SH2D4B: variants seen among roughly 807,000 people sequenced by gnomAD.
The protein encoded by SH2D4B is SH2 domain containing 4B.
In SH2D4B, 45 loss-of-function variants were observed where a neutral mutation model predicts 61.5. That is an observed-to-expected ratio of 0.73 (90% confidence interval 0.58 to 0.94). SH2D4B has a LOEUF of 0.94. SH2D4B is among the 40% of genes least tolerant of loss of function. SH2D4B has a pLI of 0.00. For synonymous variants in SH2D4B, 224 were observed against 220.4 expected (o/e 1.02, Z -0.14); for missense variants, 572 against 574.2 (o/e 1.00, Z 0.04).
chr10:80,580,205 C>A (rs1045745241), intron 3 of SH2D4B, among the ~76,000 whole-genome samples: 8 of 152,334 alleles, frequency 5.3e-5, no homozygotes, highest in Admixed American at 5.2e-4. Flanking sequence ...TTGCAGCCTG[C>A]AGGTGGCTAT....
At chr10:80,553,125 C>T (rs2132107731) in intron 1 of SH2D4B, among the ~76,000 whole-genome samples, 1 of 152,282 alleles carries the variant, frequency 6.6e-6, no homozygotes, top group African/African-American at 2.4e-5. Context: ...ACCATGTTGG[C>T]CAGGCAGGTC....
chr10:80,627,823 G>A (rs1289739763), intron 6 of SH2D4B, among the ~76,000 whole-genome samples: 1 of 151,894 alleles, frequency 6.6e-6, no homozygotes, highest in Non-Finnish European at 1.5e-5. Flanking sequence ...GAAGCGGGGA[G>A]AGAAAATGTT....
Position 80,625,427 on chromosome 10 carries a change from C to A in SH2D4B, c.989-8858C>A, listed in dbSNP as rs897730437. Among the ~76,000 whole-genome samples, 3 of 152,312 alleles carry A rather than the reference C, an allele frequency of 2.0e-5. No homozygotes were observed. In the South Asian group the frequency reaches 6.2e-4, roughly 32 times the overall value. On this transcript the variant is annotated intron_variant, in intron 6 of 7. Coordinates refer to ENST00000646907, the MANE Select transcript of SH2D4B (RefSeq NM_001388272.1). ...CATAAAACATATGCATATCCTTCTA[C>A]ACTTTAAATTATTTCTAGATGACTT...
At chr10:80,577,980 T>C (rs1046424838) in intron 3 of SH2D4B, among the ~76,000 whole-genome samples, 4 of 151,932 alleles carry the variant, frequency 2.6e-5, no homozygotes, top group African/African-American at 7.3e-5. Context: ...TTCTTTCTTT[T>C]TTTTTTTCGA....
At chr10:80,599,743 C>T (rs767852023) in intron 4 of SH2D4B, among the ~76,000 whole-genome samples, 4 of 152,190 alleles carry the variant, frequency 2.6e-5, no homozygotes, top group Non-Finnish European at 4.4e-5. Flanking sequence ...TTGCTTACCT[C>T]GTCTTGAGTG....
At chr10:80,614,861 C>T (rs191392772) in intron 6 of SH2D4B, among the ~76,000 whole-genome samples, 33 of 152,344 alleles carry the variant, frequency 2.2e-4, no homozygotes, top group Admixed American at 1.2e-3. Context: ...ATGTTCTCCA[C>T]CCTGTGACTG....
intron 6 of SH2D4B, among the ~76,000 whole-genome samples, chr10:80,630,484 A>G (rs1842818591): frequency 6.6e-6 from 1 of 152,176 alleles, no homozygotes; most frequent in African/African-American, 2.4e-5. Context: ...TATCCAAGAC[A>G]GTCTCCTGGG....
chr10:80,546,760 C>G (rs746054658), intron 1 of SH2D4B, among the ~76,000 whole-genome samples: 1 of 151,976 alleles, frequency 6.6e-6, no homozygotes, highest in Non-Finnish European at 1.5e-5. Flanking sequence ...ATCTCCTGAC[C>G]TCATGATCCG....
At chr10:80,557,089 A>G (rs1841847849) in intron 1 of SH2D4B, among the ~76,000 whole-genome samples, 1 of 152,104 alleles carries the variant, frequency 6.6e-6, no homozygotes, top group Admixed American at 6.6e-5. Flanking sequence ...TTTGCTGAGA[A>G]TCTTTACTAG....
At chr10:80,603,074 A>C (rs1289854770) in intron 4 of SH2D4B, among the ~76,000 whole-genome samples, 1 of 152,076 alleles carries the variant, frequency 6.6e-6, no homozygotes, top group East Asian at 1.9e-4. Flanking sequence ...TAGTGAGATA[A>C]TGCAGGGAAG....
At chr10:80,583,495 C>A (rs1464292237) in intron 3 of SH2D4B, among the ~76,000 whole-genome samples, 3 of 149,744 alleles carry the variant, frequency 2.0e-5, no homozygotes, top group Non-Finnish European at 4.4e-5. Context: ...ATGATGAAAC[C>A]CGTCTCCACT....
chr10:80,630,119 ATGAT>A (rs558281912), intron 6 of SH2D4B, among the ~76,000 whole-genome samples: 1 of 147,374 alleles, frequency 6.8e-6, no homozygotes, highest in Admixed American at 6.7e-5. Flanking sequence ...GGGAAGAAGG[ATGAT>A]TGGTAAGTGA....
intron 6 of SH2D4B, among the ~76,000 whole-genome samples, chr10:80,612,001 C>T (rs541328030): frequency 1.3e-5 from 2 of 152,122 alleles, no homozygotes; most frequent in East Asian, 3.9e-4. Context: ...TGGAGGGTGG[C>T]CAAGTAACTT....
chr10:80,545,805 G>C (rs892588429), intron 1 of SH2D4B, among the ~76,000 whole-genome samples: 1 of 152,158 alleles, frequency 6.6e-6, no homozygotes, highest in African/African-American at 2.4e-5. Context: ...GTGAAAGGCT[G>C]TGTGCTGCAC....
intron 3 of SH2D4B, among the ~76,000 whole-genome samples, chr10:80,572,971 TATATATATATATA>T (rs1564771940): frequency 1.7e-3 from 16 of 9,558 alleles, no homozygotes; most frequent in Non-Finnish European, 2.8e-3. Flanking sequence ...TATATATATA[TATATATATATATA>T]TATTTTTTTT....
At chr10:80,591,414 A>T (rs1178517648) in intron 4 of SH2D4B, among the ~76,000 whole-genome samples, 1 of 151,692 alleles carries the variant, frequency 6.6e-6, no homozygotes, top group Non-Finnish European at 1.5e-5. Context: ...TGAGTCTGGT[A>T]AGGGCCTTCT....
intron 1 of SH2D4B, among the ~76,000 whole-genome samples, chr10:80,544,204 G>A (rs939328393): frequency 6.6e-6 from 1 of 152,078 alleles, no homozygotes; most frequent in African/African-American, 2.4e-5. Context: ...GCAAGACCGC[G>A]AGCCCACGGG....
chr10:80,553,185 T>G (rs1841784827), intron 1 of SH2D4B, among the ~76,000 whole-genome samples: 1 of 152,228 alleles, frequency 6.6e-6, no homozygotes, highest in Non-Finnish European at 1.5e-5. Context: ...CCCAAAGTGT[T>G]GGGATTACAG....
At chr10:80,562,969 T>C (rs1267276828) in intron 1 of SH2D4B, among the ~76,000 whole-genome samples, 1 of 139,530 alleles carries the variant, frequency 7.2e-6, no homozygotes, top group East Asian at 2.4e-4. Context: ...TGGCGGGATC[T>C]CGGCTCACTG....
Sources: allele counts gnomAD v4.1 joint callset (sites outside exome capture counted in the v4.1 genomes callset), GRCh38; gene constraint gnomAD v4.1.1; transcripts MANE v1.5; gene names NCBI Gene and HGNC (gene_info 2026-07-23, HGNC 2026-07-21).